Variants in BEND4 observed in about 807,000 individuals in gnomAD.
BEND4 encodes BEN domain-containing protein 4.
BEND4 carries 27 observed loss-of-function variants against 54.7 expected under a neutral mutation model. That is an observed-to-expected ratio of 0.49 (90% CI 0.36 to 0.68). The LOEUF (loss-of-function observed/expected upper bound fraction) is 0.68. Ranked by LOEUF, BEND4 falls within the 30% of genes least tolerant of loss-of-function variation. The probability of loss-of-function intolerance (pLI) is 0.00; values close to 1 mark genes in which losing one functional copy is unlikely to be tolerated. For missense variants in BEND4, 702 were observed against 697.2 expected, an observed-to-expected ratio of 1.01 and a Z score of -0.08; for synonymous variants, 327 against 299.5, an observed-to-expected ratio of 1.09 and a Z score of -0.95.
Position 42,117,498 on chromosome 4 carries a change from C to CATT in BEND4, c.*19_*20insAAT. ...GAACTCTTGAGAGGACCAGCTGCTA[C>CATT]AACAGGAAGATTCTGTCCACTAATC... On this transcript the variant is annotated 3_prime_UTR_variant, in exon 6 of 6. Coordinates refer to ENST00000502486, the MANE Select transcript of BEND4 (RefSeq NM_207406.4). 1 of 1,566,308 alleles carries CATT rather than the reference C, an allele frequency of 6.4e-7. No individual in the cohort carries two copies. Among genetic ancestry groups the CATT allele is most frequent in the African/African-American group, 1.3e-5 (1 of 74,118 alleles).
At position 42,147,004 on chromosome 4, in the gene BEND4, T is replaced by C. The variant is rs1364130260; in HGVS notation, c.488-3010A>G. 3.3e-5 allele frequency among the ~76,000 whole-genome samples: 5 copies of C among 152,260 alleles called. No individual in the cohort carries two copies. In the East Asian group the frequency reaches 9.6e-4, roughly 29 times the overall value. Reference sequence around the variant, plus strand: ...AAACTTGTAACATGCTGAGAAAAAATCATTATGTAATATACTACATTATGA... The same window carrying C: ...AAACTTGTAACATGCTGAGAAAAAACCATTATGTAATATACTACATTATGA... On this transcript the variant is annotated intron_variant, in intron 2 of 5. Transcript: ENST00000502486.
chr4:42,117,122 C>G lies in BEND4; in HGVS notation c.*396G>C, dbSNP rs963236970. 6.1e-6 allele frequency: 1 copy of G among 163,008 alleles called. No homozygotes were observed. The highest frequency in any genetic ancestry group is 6.3e-5 in the Admixed American group (1 of 15,896). 10.1% of individuals were successfully genotyped at this position (163,008 alleles called of 1,614,324 possible). ...ATTAAGAGAATGTTTGCTTCTTGTCCCTTAACACAACTCCATGTCTCCACC... is the reference window on the plus strand; with the variant it reads ...ATTAAGAGAATGTTTGCTTCTTGTCGCTTAACACAACTCCATGTCTCCACC... On this transcript the variant is annotated 3_prime_UTR_variant, in exon 6 of 6. Coordinates refer to ENST00000502486, the MANE Select transcript of BEND4 (RefSeq NM_207406.4).
chr4:42,118,448 GGGAT>G (rs2153144450), intron 5 of BEND4, among the ~76,000 whole-genome samples: 1 of 152,252 alleles, frequency 6.6e-6, no homozygotes, highest in South Asian at 2.1e-4. Flanking sequence ...AACCAAAAGC[GGGAT>G]GGAGGTCCAC....
At position 42,151,513 on chromosome 4, in the gene BEND4, G is replaced by T. The variant is rs543132533; in HGVS notation, c.487+144C>A. The T allele has an allele frequency of 6.1e-3, 4,977 of 821,828 alleles. 20 individuals carry two copies. The highest frequency in any genetic ancestry group is 7.7e-3 in the Non-Finnish European group (4,580 of 596,910). The allele number at this position is 821,828 out of a possible 1,614,324, so 50.9% of individuals were successfully genotyped here. ...GAGAATCCTCTCGAAGTTTCCGGGT[G>T]CGCGGGGAGGCCCCAGGTGCGCCCC... On this transcript the variant is annotated intron_variant, in intron 2 of 5. Coordinates refer to ENST00000502486, the MANE Select transcript of BEND4 (RefSeq NM_207406.4).
chr4:42,138,222 T>C (rs1463153136), intron 3 of BEND4, among the ~76,000 whole-genome samples: 1 of 152,172 alleles, frequency 6.6e-6, no homozygotes, highest in Non-Finnish European at 1.5e-5. Context: ...AACTGTGGTA[T>C]ATTATTGGAT....
At chr4:42,151,400 G>A in intron 2 of BEND4, 1 of 303,234 alleles carries the variant, frequency 3.3e-6, no homozygotes, top group Non-Finnish European at 6.0e-6. Flanking sequence ...GTCGCCGACT[G>A]CCACAGCCGT....
chr4:42,132,167 G>A (rs557911750), intron 3 of BEND4, among the ~76,000 whole-genome samples: 3 of 152,346 alleles, frequency 2.0e-5, no homozygotes, highest in South Asian at 2.1e-4. Context: ...TCCTGTCCTC[G>A]TGTCCCTCGG....
chr4:42,118,210 G>A (rs570800103), intron 5 of BEND4, among the ~76,000 whole-genome samples: 96 of 152,280 alleles, frequency 6.3e-4, no homozygotes, highest in South Asian at 1.0e-3. Context: ...CTGAGGAGGT[G>A]CCTAAGTGTT....
intron 3 of BEND4, among the ~76,000 whole-genome samples, chr4:42,130,275 T>A (rs554889270): frequency 1.3e-3 from 204 of 152,072 alleles, no homozygotes; most frequent in African/African-American, 4.7e-3. Context: ...GGTCAGGAGA[T>A]CGAGACCATC....
rs375028515 is a variant in BEND4 at position 42,112,252 on chromosome 4, A to T, written c.*5266T>A. 7 of 152,370 alleles carry T rather than the reference A, an allele frequency of 4.6e-5. No homozygotes were observed. The East Asian group carries it at 1.3e-3, about 29-fold the overall frequency. 9.4% of individuals were successfully genotyped at this position (152,370 alleles called of 1,614,324 possible). A position where few individuals can be genotyped will look rare whatever the true frequency, so the allele number is the denominator to read the frequency against. Reference sequence around the variant, plus strand: ...TTATCAATACAATGGGGATAAGAACAGTAACAGCCTCATAGGGTAGCTGTG... The same window carrying T: ...TTATCAATACAATGGGGATAAGAACTGTAACAGCCTCATAGGGTAGCTGTG... On this transcript the variant is annotated 3_prime_UTR_variant, in exon 6 of 6. Transcript: ENST00000502486.
intron 5 of BEND4, among the ~76,000 whole-genome samples, chr4:42,118,526 G>A (rs1235457987): frequency 6.6e-6 from 1 of 152,236 alleles, no homozygotes; most frequent in African/African-American, 2.4e-5. Flanking sequence ...AGCCTGGACT[G>A]CATCAGGCAT....
rs976687967 is a variant in BEND4 at position 42,116,381 on chromosome 4, G to A, written c.*1137C>T. ...AAAGATACCACTAATTTCACATATG[G>A]AACTCAACAAATTAACCAGGGGATA... On this transcript the variant is annotated 3_prime_UTR_variant, in exon 6 of 6. Coordinates refer to ENST00000502486, the MANE Select transcript of BEND4 (RefSeq NM_207406.4). 6.6e-6 allele frequency: 1 copy of A among 152,190 alleles called. No homozygotes were observed. Among genetic ancestry groups the A allele is most frequent in the Non-Finnish European group, 1.5e-5 (1 of 68,038 alleles). 9.4% of individuals were successfully genotyped at this position (152,190 alleles called of 1,614,324 possible).
At position 42,117,266 on chromosome 4, in the gene BEND4, A is replaced by C; in HGVS notation, c.*252T>G. 2.9e-6 allele frequency: 1 copy of C among 346,514 alleles called. No homozygotes were observed. 21.5% of individuals were successfully genotyped at this position (346,514 alleles called of 1,614,324 possible). ...GCTCACCTATTTTTTCACCCTCATG[A>C]TCTAGCTAGTAATCATTTAAAAATC... On this transcript the variant is annotated 3_prime_UTR_variant, in exon 6 of 6. Transcript: ENST00000502486.
Position 42,115,189 on chromosome 4 carries a change from T to G in BEND4, c.*2329A>C, listed in dbSNP as rs1410853669. Reference sequence around the variant, plus strand: ...GGAGAAACAGCTGATAGAGAAATGATTAACCTGGAATGGGTGCGAGGGAGG... The same window carrying G: ...GGAGAAACAGCTGATAGAGAAATGAGTAACCTGGAATGGGTGCGAGGGAGG... On this transcript the variant is annotated 3_prime_UTR_variant, in exon 6 of 6. Coordinates refer to ENST00000502486, the MANE Select transcript of BEND4 (RefSeq NM_207406.4). 3.9e-5 allele frequency: 6 copies of G among 152,354 alleles called. No homozygotes were observed. In the East Asian group the frequency reaches 1.2e-3, roughly 29 times the overall value. The allele number at this position is 152,354 out of a possible 1,614,324, so 9.4% of individuals were successfully genotyped here.
At chr4:42,126,781 C>T (rs985840775) in intron 3 of BEND4, among the ~76,000 whole-genome samples, 23 of 152,016 alleles carry the variant, frequency 1.5e-4, no homozygotes, top group African/African-American at 7.2e-5. Context: ...AGGCAAAAGG[C>T]GGGAGAATAG....
intron 3 of BEND4, among the ~76,000 whole-genome samples, chr4:42,140,024 GTGGATTCT>G (rs1720830245): frequency 6.6e-6 from 1 of 152,240 alleles, no homozygotes; most frequent in Non-Finnish European, 1.5e-5. Context: ...CAAGTAAAAA[GTGGATTCT>G]TGGGTGTCAC....
chr4:42,129,701 C>T (rs1329899374), intron 3 of BEND4, among the ~76,000 whole-genome samples: 2 of 152,172 alleles, frequency 1.3e-5, no homozygotes, highest in East Asian at 1.9e-4. Context: ...TATACCCCTT[C>T]CTTATACCTT....
At position 42,113,223 on chromosome 4, in the gene BEND4, A is replaced by C. The variant is rs1719645232; in HGVS notation, c.*4295T>G. The C allele has an allele frequency of 6.6e-6, 1 of 152,228 alleles. No individual in the cohort carries two copies. Among genetic ancestry groups the C allele is most frequent in the Non-Finnish European group, 1.5e-5 (1 of 68,032 alleles). The allele number at this position is 152,228 out of a possible 1,614,324, so 9.4% of individuals were successfully genotyped here. On this transcript the variant is annotated 3_prime_UTR_variant, in exon 6 of 6. Transcript: ENST00000502486. ...TATGAGCTGTCAAAAATTAACGCAG[A>C]TCTGTACTGTGAAATGACACAGCAC...
At chr4:42,123,785 AG>A (rs1476514019) in intron 4 of BEND4, among the ~76,000 whole-genome samples, 1 of 151,770 alleles carries the variant, frequency 6.6e-6, no homozygotes, top group Non-Finnish European at 1.5e-5. Context: ...GAGTCAACCT[AG>A]GAAAAGAGAG....
Sources: gnomAD v4.1 joint callset for allele counts (sites outside exome capture counted in the v4.1 genomes callset) on GRCh38, gnomAD v4.1.1 for gene constraint, MANE v1.5 for transcripts, NCBI Gene and HGNC (gene_info 2026-07-23, HGNC 2026-07-21) for gene names.